Variants in SCAPER observed in about 807,000 individuals in gnomAD.
SCAPER encodes the protein S phase cyclin A-associated protein in the endoplasmic reticulum.
SCAPER carries 98 observed loss-of-function variants against 182.2 expected under a neutral mutation model. The observed-to-expected ratio is 0.54, with a 90% CI of 0.46 to 0.64. The LOEUF is 0.64. Among genes scored for constraint, SCAPER ranks in the 30% least tolerant of loss-of-function variants. The pLI, the probability that SCAPER is intolerant of heterozygous loss-of-function variation, is 0.00. For synonymous variants in SCAPER, 605 were observed against 564.6 expected (o/e 1.07, Z -1.01); for missense variants, 1,432 against 1,690.0 (o/e 0.85, Z 2.68).
At chr15:76,881,967 T>A (rs2073569428) in intron 2 of SCAPER, among the ~76,000 whole-genome samples, 1 of 152,222 alleles carries the variant, frequency 6.6e-6, no homozygotes, top group Non-Finnish European at 1.5e-5. Context: ...TTTCTCTAAA[T>A]GAACACTGTT....
At chr15:76,605,115 A>G (rs1384042044) in intron 22 of SCAPER, among the ~76,000 whole-genome samples, 1 of 152,156 alleles carries the variant, frequency 6.6e-6, no homozygotes, top group Non-Finnish European at 1.5e-5. Flanking sequence ...TTCAAAGGGA[A>G]TGCTTCCAGT....
rs149928727 is a variant in SCAPER, at chr15:76,885,317, C to T, written c.-59-1441G>A. Among the ~76,000 whole-genome samples, 345 of 152,280 alleles carry T rather than the reference C, an allele frequency of 2.3e-3. 1 individual carries two copies. The highest frequency in any genetic ancestry group is 8.0e-3 in the African/African-American group (331 of 41,550). On this transcript the variant is annotated intron_variant, in intron 1 of 31. Coordinates refer to ENST00000563290, the MANE Select transcript of SCAPER (RefSeq NM_020843.4). ...TTCCAATTCCATACACCCCTTCTCCCCAGCATTCACTGTACTCCAATCACA... is the reference window on the plus strand; with the variant it reads ...TTCCAATTCCATACACCCCTTCTCCTCAGCATTCACTGTACTCCAATCACA...
intron 27 of SCAPER, among the ~76,000 whole-genome samples, chr15:76,388,031 G>C (rs2043402594): frequency 6.6e-6 from 1 of 152,228 alleles, no homozygotes; most frequent in African/African-American, 2.4e-5. Flanking sequence ...TTCTGCTCCA[G>C]TGCACTGTAT....
At chr15:76,651,602 T>A (rs2055043717) in intron 21 of SCAPER, among the ~76,000 whole-genome samples, 1 of 129,704 alleles carries the variant, frequency 7.7e-6, no homozygotes, top group African/African-American at 2.9e-5. Context: ...ATGTAGAAAT[T>A]AAATTAGTAA....
intron 21 of SCAPER, among the ~76,000 whole-genome samples, chr15:76,652,273 A>ATAT (rs1555519291): frequency 5.4e-4 from 7 of 12,868 alleles, no homozygotes; most frequent in Non-Finnish European, 6.6e-4. Context: ...AAAAAAAAAA[A>ATAT]ATATATATAT....
intron 25 of SCAPER, among the ~76,000 whole-genome samples, chr15:76,447,064 G>A: frequency 6.6e-6 from 1 of 152,154 alleles, no homozygotes; most frequent in East Asian, 1.9e-4. Context: ...TGTTTGTTAG[G>A]TCTGGTGTAT....
At chr15:76,564,415 T>C (rs1382494967) in intron 23 of SCAPER, among the ~76,000 whole-genome samples, 2 of 152,000 alleles carry the variant, frequency 1.3e-5, no homozygotes, top group Non-Finnish European at 2.9e-5. Context: ...CATTCCATAT[T>C]GCCACAAAAA....
chr15:76,725,887 T>TA (rs2060556323), intron 17 of SCAPER, among the ~76,000 whole-genome samples: 1 of 150,974 alleles, frequency 6.6e-6, no homozygotes. Flanking sequence ...ATAAAAATGT[T>TA]ACAAGAAAAT....
chr15:76,745,964 A>G (rs2061771918), intron 15 of SCAPER, among the ~76,000 whole-genome samples: 1 of 152,208 alleles, frequency 6.6e-6, no homozygotes, highest in South Asian at 2.1e-4. Flanking sequence ...ATAGATCAGA[A>G]ATTCCACTTC....
intron 23 of SCAPER, among the ~76,000 whole-genome samples, chr15:76,511,932 G>C (rs2042083437): frequency 6.7e-6 from 1 of 149,706 alleles, no homozygotes; most frequent in South Asian, 2.1e-4. Flanking sequence ...ACCCAGGCTG[G>C]GGTGCAATGG....
intron 25 of SCAPER, among the ~76,000 whole-genome samples, chr15:76,449,361 T>G (rs1017571523): frequency 6.6e-6 from 1 of 152,216 alleles, no homozygotes; most frequent in African/African-American, 2.4e-5. Context: ...TTGATCTGTA[T>G]TCTATACCTT....
intron 23 of SCAPER, among the ~76,000 whole-genome samples, chr15:76,564,959 C>T (rs1597408703): frequency 6.6e-6 from 1 of 152,092 alleles, no homozygotes; most frequent in African/African-American, 2.4e-5. Context: ...CAATACCTGG[C>T]TAGCCATATA....
chr15:76,884,431 A>G (rs1293915347), intron 1 of SCAPER, among the ~76,000 whole-genome samples: 2 of 152,226 alleles, frequency 1.3e-5, no homozygotes, highest in African/African-American at 4.8e-5. Flanking sequence ...CGTACCTTTC[A>G]GGTAACCTAT....
intron 8 of SCAPER, among the ~76,000 whole-genome samples, chr15:76,784,802 G>A (rs545387614): frequency 2.0e-5 from 3 of 152,266 alleles, no homozygotes; most frequent in South Asian, 4.1e-4. Flanking sequence ...TTTCATAAAC[G>A]GTGCTGGGAA....
intron 27 of SCAPER, among the ~76,000 whole-genome samples, chr15:76,403,347 C>T (rs1408340029): frequency 6.6e-6 from 1 of 152,216 alleles, no homozygotes; most frequent in African/African-American, 2.4e-5. Context: ...GTCTACATTT[C>T]TTGATGGGAA....
chr15:76,453,530 T>C (rs149874478), intron 25 of SCAPER, among the ~76,000 whole-genome samples: 6 of 152,328 alleles, frequency 3.9e-5, no homozygotes, highest in Non-Finnish European at 8.8e-5. Flanking sequence ...TCAGATTATA[T>C]TATCTTTGGC....
Position 76,348,724 on chromosome 15 carries a change from C to G in SCAPER, c.4112G>C (p.Gly1371Ala). The change falls in exon 32 of 32, where the codon GGT becomes GCT. Residue 1371 changes from glycine to alanine, a missense_variant. Coordinates refer to ENST00000563290, the MANE Select transcript of SCAPER (RefSeq NM_020843.4). ...QPYQPKGKCL[G>A]SQDYLELANR... ...AGCCAGCTCAAGATAGTCTTGGGAA[C>G]CAAGGCATTTCCCTGAGAGGGGGAT... 6.5e-7 allele frequency: 1 copy of G among 1,527,360 alleles called. No individual in the cohort carries two copies. Among genetic ancestry groups the G allele is most frequent in the Middle Eastern group, 1.7e-4 (1 of 5,880 alleles). The allele number at this position is 1,527,360 out of a possible 1,614,324, so 94.6% of individuals were successfully genotyped here. A position where few individuals can be genotyped will look rare whatever the true frequency, so the allele number is the denominator to read the frequency against.
At chr15:76,383,726 C>T (rs749892687) in intron 27 of SCAPER, among the ~76,000 whole-genome samples, 10 of 152,070 alleles carry the variant, frequency 6.6e-5, no homozygotes, top group Non-Finnish European at 1.5e-4. Flanking sequence ...GGGATATCAC[C>T]CAGGGCTTTT....
chr15:76,680,795 T>G (rs776305156), intron 20 of SCAPER, among the ~76,000 whole-genome samples: 8 of 152,200 alleles, frequency 5.3e-5, no homozygotes, highest in Non-Finnish European at 7.3e-5. Context: ...GACCTCACTA[T>G]GTGCTCAATC....
Sources: allele counts gnomAD v4.1 joint callset (sites outside exome capture counted in the v4.1 genomes callset), GRCh38; gene constraint gnomAD v4.1.1; transcripts MANE v1.5; gene names NCBI Gene and HGNC (gene_info 2026-07-23, HGNC 2026-07-21).